The following FOXP1 variants were observed in gnomAD, a reference collection of about 807,000 sequenced individuals.
FOXP1 encodes forkhead box P1.
FOXP1 carries 15 observed loss-of-function variants against 98.2 expected under a neutral mutation model. The observed-to-expected ratio is 0.15, with a 90% CI of 0.10 to 0.24. The LOEUF (loss-of-function observed/expected upper bound fraction) is 0.24, where lower values mean the gene tolerates loss of function less well. Among genes scored for constraint, FOXP1 ranks in the 10% least tolerant of loss-of-function variants. The pLI is 1.00. For missense variants in FOXP1, 633 were observed against 848.5 expected, an observed-to-expected ratio of 0.75 and a Z score of 3.15; for synonymous variants, 371 against 314.5, an observed-to-expected ratio of 1.18 and a Z score of -1.90.
intron 2 of FOXP1, among the ~76,000 whole-genome samples, chr3:71,501,353 G>T (rs1276709624): frequency 6.9e-6 from 1 of 145,704 alleles, no homozygotes; most frequent in Admixed American, 6.9e-5. Flanking sequence ...GGAGTGCAGT[G>T]GTGCCATCTC....
chr3:71,424,723 G>T (rs1225987366), intron 3 of FOXP1, among the ~76,000 whole-genome samples: 3 of 152,238 alleles, frequency 2.0e-5, no homozygotes, highest in African/African-American at 7.2e-5. Flanking sequence ...TCACTGCCGA[G>T]CTGAAGAAGT....
chr3:71,289,502 AG>A (rs1576790240), intron 5 of FOXP1: 1 of 150,650 alleles, frequency 6.6e-6, no homozygotes, highest in East Asian at 2.0e-4. Flanking sequence ...TACAGGTGTG[AG>A]CCCCCATGCT....
At chr3:71,045,591 T>A (rs1253313011) in intron 10 of FOXP1, among the ~76,000 whole-genome samples, 1 of 152,170 alleles carries the variant, frequency 6.6e-6, no homozygotes, top group Non-Finnish European at 1.5e-5. Flanking sequence ...AGTTACGACA[T>A]CTTCTATTTT....
intron 7 of FOXP1, among the ~76,000 whole-genome samples, chr3:71,105,119 A>G (rs1180946946): frequency 6.6e-6 from 1 of 152,200 alleles, no homozygotes; most frequent in Non-Finnish European, 1.5e-5. Flanking sequence ...AGAAACCACT[A>G]TGGGTGGTGA....
chr3:71,189,689 A>G (rs2062851075), intron 6 of FOXP1, among the ~76,000 whole-genome samples: 2 of 152,148 alleles, frequency 1.3e-5, no homozygotes, highest in Non-Finnish European at 2.9e-5. Context: ...TGCATACCTC[A>G]TAATTCAAAA....
intron 3 of FOXP1, among the ~76,000 whole-genome samples, chr3:71,437,900 G>A (rs926313170): frequency 3.9e-5 from 6 of 152,146 alleles, no homozygotes; most frequent in African/African-American, 4.8e-5. Context: ...GTTCCAGGAG[G>A]TGAAGAAAAG....
At chr3:71,220,190 T>A (rs148340498) in intron 5 of FOXP1, among the ~76,000 whole-genome samples, 68 of 152,324 alleles carry the variant, frequency 4.5e-4, no homozygotes, top group Admixed American at 1.9e-3. Context: ...CCTAACAGGA[T>A]ACCAGGCAGT....
At chr3:71,047,155 G>C in intron 9 of FOXP1, 60 bp from the exon 10 acceptor site, 3 of 1,589,156 alleles carry the variant, frequency 1.9e-6, no homozygotes, top group Non-Finnish European at 2.6e-6. Context: ...TTAAAAGTAT[G>C]GACACTTCAA....
chr3:71,492,167 T>C (rs900636269), intron 3 of FOXP1, among the ~76,000 whole-genome samples: 7 of 151,888 alleles, frequency 4.6e-5, no homozygotes, highest in Non-Finnish European at 1.0e-4. Context: ...ATATAGAAAA[T>C]CAAGCCAGGC....
chr3:71,524,234 T>G (rs2043201289), intron 2 of FOXP1, among the ~76,000 whole-genome samples: 1 of 151,992 alleles, frequency 6.6e-6, no homozygotes, highest in Admixed American at 6.6e-5. Context: ...CATGGTGGTG[T>G]ACGCCTATAA....
chr3:70,975,905 C>T (rs2037394304), intron 17 of FOXP1, among the ~76,000 whole-genome samples: 1 of 152,092 alleles, frequency 6.6e-6, no homozygotes. Context: ...TGAGGTAAGC[C>T]ATATATGACC....
chr3:70,993,736 T>G (rs1460291868), intron 13 of FOXP1, among the ~76,000 whole-genome samples: 1 of 152,232 alleles, frequency 6.6e-6, no homozygotes, highest in Non-Finnish European at 1.5e-5. Flanking sequence ...CACACTGGCC[T>G]GTAATCCCAG....
At chr3:71,276,584 T>G (rs529698629) in intron 5 of FOXP1, among the ~76,000 whole-genome samples, 5 of 152,336 alleles carry the variant, frequency 3.3e-5, no homozygotes, top group Admixed American at 6.5e-5. Context: ...TGCCTAATTT[T>G]AACCCCTAAG....
intron 6 of FOXP1, among the ~76,000 whole-genome samples, chr3:71,134,198 C>G (rs1045165288): frequency 6.6e-6 from 1 of 152,168 alleles, no homozygotes; most frequent in African/African-American, 2.4e-5. Flanking sequence ...CCTAGACAGA[C>G]TAAGGTGGCC....
At chr3:71,069,168 G>A (rs548024890) in intron 7 of FOXP1, among the ~76,000 whole-genome samples, 1 of 152,300 alleles carries the variant, frequency 6.6e-6, no homozygotes, top group East Asian at 1.9e-4. Flanking sequence ...TTCCATAGGA[G>A]TTTAAATTCC....
chr3:70,980,123 T>A (rs537617938), intron 14 of FOXP1, among the ~76,000 whole-genome samples: 17 of 152,178 alleles, frequency 1.1e-4, no homozygotes, highest in Admixed American at 3.9e-4. Flanking sequence ...TGACACACAT[T>A]TGCAAACTAA....
intron 2 of FOXP1, among the ~76,000 whole-genome samples, chr3:71,509,660 T>A (rs773416465): frequency 6.6e-6 from 1 of 152,114 alleles, no homozygotes; most frequent in African/African-American, 2.4e-5. Flanking sequence ...GATGGGAGAA[T>A]TGCTTGAGGC....
At chr3:71,473,186 C>A (rs773926426) in intron 3 of FOXP1, among the ~76,000 whole-genome samples, 2 of 152,088 alleles carry the variant, frequency 1.3e-5, no homozygotes, top group Non-Finnish European at 2.9e-5. Context: ...TATTATTTAA[C>A]AGAGGAAGAT....
chr3:71,047,223 G>C (rs978091378), intron 9 of FOXP1, 128 bp from the exon 10 acceptor site: 2 of 1,079,942 alleles, frequency 1.9e-6, no homozygotes, highest in Admixed American at 1.8e-5. Flanking sequence ...GGAGGGCTCC[G>C]TGTCAAGGTT....
Sources: gnomAD v4.1 joint callset for allele counts (sites outside exome capture counted in the v4.1 genomes callset) on GRCh38, gnomAD v4.1.1 for gene constraint, MANE v1.5 for transcripts, NCBI Gene and HGNC (gene_info 2026-07-23, HGNC 2026-07-21) for gene names.